The following ANK3 variants were observed in gnomAD, a reference collection of about 807,000 sequenced individuals.
ANK3 encodes ankyrin-3.
A neutral mutation model predicts 370.9 loss-of-function variants in ANK3; 57 were observed. The ratio of observed to expected loss-of-function variants is 0.15; its 90% CI spans 0.12 to 0.19. The LOEUF (loss-of-function observed/expected upper bound fraction) is 0.19. Among genes scored for constraint, ANK3 ranks in the 10% least tolerant of loss-of-function variants. The pLI is 1.00. For synonymous variants in ANK3, 1,929 were observed against 1,946.3 expected (o/e 0.99, Z 0.23); for missense variants, 4,439 against 5,302.1 (o/e 0.84, Z 5.06).
At chr10:60,384,646 T>C (rs188331631) in intron 1 of ANK3, among the ~76,000 whole-genome samples, 1 of 152,274 alleles carries the variant, frequency 6.6e-6, no homozygotes, top group East Asian at 1.9e-4. Context: ...AAGATGGGGA[T>C]AATAAAAAAA....
At chr10:60,396,473 T>C (rs1594948670) in intron 2 of ANK3, among the ~76,000 whole-genome samples, 1 of 152,202 alleles carries the variant, frequency 6.6e-6, no homozygotes, top group Admixed American at 6.5e-5. Flanking sequence ...ATAATAGATA[T>C]GCTTTGGTAA....
At chr10:60,689,173 G>C (rs1202291655) in intron 1 of ANK3, among the ~76,000 whole-genome samples, 3 of 152,162 alleles carry the variant, frequency 2.0e-5, no homozygotes, top group African/African-American at 7.2e-5. Flanking sequence ...GCCAAGGCAG[G>C]AGGAGTGCTT....
chr10:60,093,813 T>A (rs1342606467), intron 28 of ANK3, among the ~76,000 whole-genome samples: 6 of 152,178 alleles, frequency 3.9e-5, no homozygotes, highest in Admixed American at 3.9e-4. Context: ...TTTCTAACTA[T>A]ATAAACAGAG....
In ANK3 at chr10:60,364,704, G is replaced by A. The variant is rs141169328; in HGVS notation, c.114+24721C>T. On this transcript the variant is annotated intron_variant, in intron 1 of 43. Coordinates refer to ENST00000280772, the MANE Select transcript of ANK3 (RefSeq NM_020987.5). ...CTTAAAGTATAATTAAAAAATGGAC[G>A]TAATTTGTTAGAAAAATAAGACAAT... Among the ~76,000 whole-genome samples, 124 of 151,838 alleles carry A rather than the reference G, an allele frequency of 8.2e-4. 1 individual carries two copies. Among genetic ancestry groups the A allele is most frequent in the African/African-American group, 2.7e-3 (110 of 41,498 alleles).
At chr10:60,160,821 C>A (rs543567009) in intron 23 of ANK3, among the ~76,000 whole-genome samples, 1 of 152,124 alleles carries the variant, frequency 6.6e-6, no homozygotes, top group African/African-American at 2.4e-5. Flanking sequence ...TTAATTAATG[C>A]TGAAAAAGCA....
At position 60,138,852 on chromosome 10, in the gene ANK3, T is replaced by C. The variant is rs1027592156; in HGVS notation, c.2738+112A>G. ...TCGAGAACATTTCGCTAAATTCACA[T>C]CTTCATCCAAAGAACACATTTTGGG... is the stretch of plus-strand genomic sequence containing the variant. On this transcript the variant is annotated intron_variant, in intron 24 of 43. Coordinates refer to ENST00000280772, the MANE Select transcript of ANK3 (RefSeq NM_020987.5). 25 of 1,413,660 alleles carry C rather than the reference T, an allele frequency of 1.8e-5. No individual in the cohort carries two copies. In the Middle Eastern group the frequency reaches 7.3e-4, roughly 41 times the overall value. The allele number at this position is 1,413,660 out of a possible 1,614,324, so 87.6% of individuals were successfully genotyped here.
chr10:60,052,089 G>A (rs568331907), intron 42 of ANK3, among the ~76,000 whole-genome samples: 12 of 152,214 alleles, frequency 7.9e-5, no homozygotes, highest in Admixed American at 2.6e-4. Context: ...AGCTGGGCAC[G>A]GTGGCTCACA....
intron 2 of ANK3, among the ~76,000 whole-genome samples, chr10:60,484,655 G>T (rs938417509): frequency 7.2e-5 from 11 of 152,112 alleles, no homozygotes; most frequent in African/African-American, 2.7e-4. Flanking sequence ...GTCTGTGGAA[G>T]GACTCACTTG....
At chr10:60,359,158 A>G (rs1040133094) in intron 1 of ANK3, among the ~76,000 whole-genome samples, 1 of 152,130 alleles carries the variant, frequency 6.6e-6, no homozygotes. Context: ...GGAGGTGCTC[A>G]AGGAATGCCT....
At chr10:60,718,468 C>T (rs988999064) in intron 1 of ANK3, among the ~76,000 whole-genome samples, 1 of 151,896 alleles carries the variant, frequency 6.6e-6, no homozygotes, top group Non-Finnish European at 1.5e-5. Flanking sequence ...AGAATTTACT[C>T]ACCTGAAATT....
chr10:60,140,049 AAAGGT>A (rs2094497131), intron 23 of ANK3: 1 of 447,858 alleles, frequency 2.2e-6, no homozygotes, highest in Non-Finnish European at 3.9e-6. Context: ...GTGTTTTCTC[AAAGGT>A]AAGTGATTCA....
chr10:60,484,487 C>A (rs777763685), intron 2 of ANK3, among the ~76,000 whole-genome samples: 7 of 151,990 alleles, frequency 4.6e-5, no homozygotes, highest in Non-Finnish European at 7.4e-5. Context: ...AAGAAACAAG[C>A]GTGGCAATGA....
intron 7 of ANK3, among the ~76,000 whole-genome samples, chr10:60,241,490 G>T (rs2097457760): frequency 6.6e-6 from 1 of 152,106 alleles, no homozygotes; most frequent in Middle Eastern, 3.2e-3. Flanking sequence ...TATATTACAG[G>T]TAAGGAAGAG....
chr10:60,074,527 G>A lies in ANK3; in HGVS notation c.6354C>T (p.His2118=), dbSNP rs116585069. The A allele has an allele frequency of 1.7e-4, 271 of 1,613,722 alleles. 1 individual carries two copies. In the African/African-American group the frequency reaches 2.6e-3, roughly 16 times the overall value. ...ILESPDDFSQ[H]DQDKSPLSDS... is the part of the protein sequence containing the mutation. ...CAGACAAGGGACTTTTATCTTGGTC[G>A]TGTTGAGAAAAGTCATCAGGAGACT... is the stretch of plus-strand genomic sequence containing the variant. Residue 2118 remains histidine, a synonymous_variant, in exon 37 of 44, where the codon CAC becomes CAT. Transcript: ENST00000280772.
At chr10:60,733,221 G>T in intron 1 of ANK3, 1 of 1,237,986 alleles carries the variant, frequency 8.1e-7, no homozygotes, top group South Asian at 3.9e-5. Flanking sequence ...GCATGCCCCT[G>T]GGTGAAGGCA....
chr10:60,582,865 A>C (rs2077774418), intron 2 of ANK3, among the ~76,000 whole-genome samples: 2 of 152,030 alleles, frequency 1.3e-5, no homozygotes, highest in African/African-American at 2.4e-5. Flanking sequence ...AGAATAGCAA[A>C]AGATAACAAG....
At chr10:60,160,332 A>G (rs2095466679) in intron 23 of ANK3, among the ~76,000 whole-genome samples, 1 of 152,112 alleles carries the variant, frequency 6.6e-6, no homozygotes, top group South Asian at 2.1e-4. Flanking sequence ...TTAGACACAT[A>G]AAGCCTACAA....
At chr10:60,491,894 T>C (rs996639877) in intron 2 of ANK3, among the ~76,000 whole-genome samples, 9 of 152,158 alleles carry the variant, frequency 5.9e-5, no homozygotes, top group African/African-American at 2.2e-4. Context: ...ACAGTATTTT[T>C]GCATGGCTTA....
intron 1 of ANK3, among the ~76,000 whole-genome samples, chr10:60,385,106 C>T (rs1186495975): frequency 2.6e-5 from 4 of 152,114 alleles, no homozygotes; most frequent in South Asian, 2.1e-4. Context: ...GGTCTCTCCC[C>T]GCTTTGAGCA....
Sources: gnomAD v4.1 joint callset for allele counts (sites outside exome capture counted in the v4.1 genomes callset) on GRCh38, gnomAD v4.1.1 for gene constraint, MANE v1.5 for transcripts, NCBI Gene and HGNC (gene_info 2026-07-23, HGNC 2026-07-21) for gene names.